KHDRBS3: variants seen among roughly 807,000 people sequenced by gnomAD.
The protein encoded by KHDRBS3 is KH domain-containing, RNA-binding, signal transduction-associated protein 3.
Under a neutral mutation model 45.6 loss-of-function variants are expected in KHDRBS3, and 23 were observed. The observed-to-expected ratio is 0.50, with a 90% CI of 0.36 to 0.72. The LOEUF is 0.72. Among genes scored for constraint, KHDRBS3 ranks in the 30% least tolerant of loss-of-function variants. The pLI, the probability that KHDRBS3 is intolerant of heterozygous loss-of-function variation, is 0.00. For missense variants in KHDRBS3, 352 were observed against 424.8 expected, an observed-to-expected ratio of 0.83 and a Z score of 1.51; for synonymous variants, 162 against 156.5, an observed-to-expected ratio of 1.04 and a Z score of -0.26.
At chr8:135,511,806 T>C (rs1338565312) in intron 1 of KHDRBS3, among the ~76,000 whole-genome samples, 3 of 151,992 alleles carry the variant, frequency 2.0e-5, no homozygotes, top group Admixed American at 2.0e-4. Flanking sequence ...AATCCGCCCG[T>C]CTCGGCCTCC....
intron 7 of KHDRBS3, among the ~76,000 whole-genome samples, chr8:135,614,514 T>G (rs928869648): frequency 2.0e-5 from 3 of 151,828 alleles, no homozygotes; most frequent in Admixed American, 6.6e-5. Context: ...ACTGTTTGGC[T>G]CCTAGAGTGA....
At chr8:135,505,817 G>C (rs947800978) in intron 1 of KHDRBS3, among the ~76,000 whole-genome samples, 1 of 151,438 alleles carries the variant, frequency 6.6e-6, no homozygotes, top group Non-Finnish European at 1.5e-5. Flanking sequence ...TATGGTGAGC[G>C]TGCTTCTGGG....
intron 5 of KHDRBS3, among the ~76,000 whole-genome samples, chr8:135,561,699 G>A (rs968199018): frequency 1.3e-5 from 2 of 151,872 alleles, no homozygotes; most frequent in East Asian, 1.9e-4. Context: ...GGTCAAGGAC[G>A]GACAGAACAT....
chr8:135,505,993 A>G (rs1823975961), intron 1 of KHDRBS3, among the ~76,000 whole-genome samples: 1 of 152,166 alleles, frequency 6.6e-6, no homozygotes, highest in African/African-American at 2.4e-5. Flanking sequence ...GAGGTTTTCC[A>G]AATCTCTACC....
At chr8:135,639,914 A>G (rs1023419124) in intron 7 of KHDRBS3, among the ~76,000 whole-genome samples, 2 of 152,200 alleles carry the variant, frequency 1.3e-5, no homozygotes, top group African/African-American at 4.8e-5. Flanking sequence ...GCATTTCCAC[A>G]TGAGATTTGT....
At chr8:135,490,826 G>T (rs569825827) in intron 1 of KHDRBS3, among the ~76,000 whole-genome samples, 1 of 152,264 alleles carries the variant, frequency 6.6e-6, no homozygotes, top group South Asian at 2.1e-4. Flanking sequence ...TGGGCAGCAT[G>T]CTGATAAAGT....
At chr8:135,468,466 A>G (rs10099588) in intron 1 of KHDRBS3, among the ~76,000 whole-genome samples, 56,741 of 152,024 alleles carry the variant, frequency 0.37, 11,822 homozygotes, top group South Asian at 0.54. Context: ...GCGAAACTCT[A>G]CGCCTAGGGA....
intron 6 of KHDRBS3, among the ~76,000 whole-genome samples, chr8:135,595,319 G>T (rs1828925738): frequency 1.3e-5 from 2 of 152,292 alleles, no homozygotes; most frequent in Non-Finnish European, 2.9e-5. Flanking sequence ...TTCACTTGGT[G>T]AGAATTCACT....
chr8:135,580,454 T>C (rs963364605), intron 5 of KHDRBS3, among the ~76,000 whole-genome samples: 8 of 152,162 alleles, frequency 5.3e-5, no homozygotes, highest in African/African-American at 1.4e-4. Context: ...ATTATTTAAT[T>C]CTCTTTGTGT....
chr8:135,638,866 CAGG>C (rs10532221), intron 7 of KHDRBS3, among the ~76,000 whole-genome samples: 57,293 of 151,238 alleles, frequency 0.38, 12,293 homozygotes, highest in South Asian at 0.53. Context: ...ACGGCTGAGG[CAGG>C]AGAATTGCTT....
intron 6 of KHDRBS3, among the ~76,000 whole-genome samples, chr8:135,588,587 TC>T (rs1313825452): frequency 2.0e-5 from 3 of 152,180 alleles, no homozygotes; most frequent in Non-Finnish European, 4.4e-5. Context: ...CAGCCACCTC[TC>T]CTCTTTCCTT....
At chr8:135,485,793 G>A (rs1459253144) in intron 1 of KHDRBS3, among the ~76,000 whole-genome samples, 3 of 146,192 alleles carry the variant, frequency 2.1e-5, no homozygotes, top group African/African-American at 7.8e-5. Context: ...CTTCATTTTA[G>A]CATCCTAGTA....
chr8:135,526,578 T>A (rs1825200688), intron 2 of KHDRBS3, among the ~76,000 whole-genome samples: 1 of 152,126 alleles, frequency 6.6e-6, no homozygotes, highest in African/African-American at 2.4e-5. Flanking sequence ...GTTAATAGAA[T>A]GAACTGGAGG....
chr8:135,542,881 T>C, intron 3 of KHDRBS3, 111 bp downstream of exon 3: 4 of 755,432 alleles, frequency 5.3e-6, no homozygotes. Flanking sequence ...TTTGTGATAC[T>C]GTTTAGAAAA....
chr8:135,494,744 T>C (rs144207673), intron 1 of KHDRBS3, among the ~76,000 whole-genome samples: 6 of 152,330 alleles, frequency 3.9e-5, no homozygotes, highest in African/African-American at 1.4e-4. Flanking sequence ...GTGTGTAGGC[T>C]AAATCTTCCA....
chr8:135,527,492 T>C (rs777752041), intron 2 of KHDRBS3, among the ~76,000 whole-genome samples: 4 of 152,184 alleles, frequency 2.6e-5, no homozygotes, highest in Non-Finnish European at 2.9e-5. Context: ...TAAATGAAGT[T>C]GTAAGGGAGC....
chr8:135,491,504 A>G (rs1823149043), intron 1 of KHDRBS3, among the ~76,000 whole-genome samples: 2 of 152,224 alleles, frequency 1.3e-5, no homozygotes, highest in Admixed American at 6.5e-5. Context: ...AAGGTAAACA[A>G]TTCTACTGTG....
chr8:135,551,807 T>A (rs905520696), intron 4 of KHDRBS3, among the ~76,000 whole-genome samples: 1 of 152,174 alleles, frequency 6.6e-6, no homozygotes, highest in Non-Finnish European at 1.5e-5. Flanking sequence ...TTATTTCTTT[T>A]CAGCCTGAAG....
At chr8:135,649,325 A>G (rs886226851), downstream of KHDRBS3, among the ~76,000 whole-genome samples, 1 of 152,206 alleles carries the variant, frequency 6.6e-6, no homozygotes, top group Non-Finnish European at 1.5e-5. Context: ...CCATCAGTTC[A>G]GTGAAAATGA....
Sources: gnomAD v4.1 joint callset for allele counts (sites outside exome capture counted in the v4.1 genomes callset) on GRCh38, gnomAD v4.1.1 for gene constraint, MANE v1.5 for transcripts, NCBI Gene and HGNC (gene_info 2026-07-23, HGNC 2026-07-21) for gene names.